The following SGPP2 variants were observed in gnomAD, a reference collection of about 807,000 sequenced individuals.
SGPP2 encodes sphingosine-1-phosphate phosphatase 2, also known as sphingosine 1-phosphate phosphohydrolase 2.
In SGPP2, 30 loss-of-function variants were observed where a neutral mutation model predicts 33.9. That is an observed-to-expected ratio of 0.89 (90% CI 0.66 to 1.20). SGPP2 has a LOEUF of 1.20. Ranked by LOEUF, SGPP2 falls within the 50% of genes most tolerant of loss-of-function variation. SGPP2 has a pLI of 0.00. For missense variants in SGPP2, 458 were observed against 532.1 expected, an observed-to-expected ratio of 0.86 and a Z score of 1.37; for synonymous variants, 233 against 225.0, an observed-to-expected ratio of 1.04 and a Z score of -0.32.
intron 2 of SGPP2, among the ~76,000 whole-genome samples, chr2:222,505,209 T>G (rs1698427081): frequency 6.6e-6 from 1 of 152,206 alleles, no homozygotes; most frequent in Admixed American, 6.5e-5. Flanking sequence ...GGACCTCGGC[T>G]TATTGCAAGA....
chr2:222,525,483 G>A (rs1033434918), intron 4 of SGPP2, among the ~76,000 whole-genome samples: 1 of 152,166 alleles, frequency 6.6e-6, no homozygotes, highest in Admixed American at 6.5e-5. Context: ...CCGGTATCAC[G>A]GCTTTGCTTC....
intron 1 of SGPP2, among the ~76,000 whole-genome samples, chr2:222,473,838 C>T (rs981373025): frequency 1.3e-5 from 2 of 150,158 alleles, no homozygotes; most frequent in African/African-American, 4.9e-5. Flanking sequence ...GCAGGAGAAT[C>T]ACTTGAACCC....
chr2:222,424,105 A>G (rs1403015627), upstream of SGPP2, among the ~76,000 whole-genome samples: 1 of 152,018 alleles, frequency 6.6e-6, no homozygotes, highest in Non-Finnish European at 1.5e-5. Context: ...GGCTGTGGGG[A>G]GCTGGCGTGG....
At chr2:222,541,669 G>A (rs1004112139) in intron 4 of SGPP2, among the ~76,000 whole-genome samples, 2 of 151,714 alleles carry the variant, frequency 1.3e-5, no homozygotes, top group African/African-American at 4.8e-5. Flanking sequence ...GCTGGAGTGC[G>A]GTGGCGCTAT....
rs1450558556 is a variant in SGPP2 at position 222,558,731 on chromosome 2, C to G, written c.1033C>G (p.Leu345Val). The change falls in exon 5 of 5, where the codon CTC becomes GTC. Residue 345 changes from leucine (L) to valine (V), a missense_variant. Coordinates refer to ENST00000321276, the MANE Select transcript of SGPP2 (RefSeq NM_152386.4). ...ILLVRQLVQN[L>V]SLQVLYSWFK... is the part of the protein sequence containing the mutation. ...CTTGGTTCGTCAGCTTGTACAAAAT[C>G]TCTCACTGCAAGTATTATACTCATG... is the stretch of plus-strand genomic sequence containing the variant. 1 of 1,614,168 alleles carries G rather than the reference C, an allele frequency of 6.2e-7. No individual in the cohort carries two copies. Among genetic ancestry groups the G allele is most frequent in the African/African-American group, 1.3e-5 (1 of 75,026 alleles).
intron 2 of SGPP2, among the ~76,000 whole-genome samples, chr2:222,497,974 A>T (rs2106115711): frequency 6.6e-6 from 1 of 152,228 alleles, no homozygotes; most frequent in East Asian, 1.9e-4. Context: ...GCAGGAGAAA[A>T]CTTATCCTGT....
intron 2 of SGPP2, among the ~76,000 whole-genome samples, chr2:222,494,754 A>G (rs1574860329): frequency 6.6e-6 from 1 of 152,236 alleles, no homozygotes; most frequent in East Asian, 1.9e-4. Flanking sequence ...TATGGGGCCA[A>G]TGAGAGCAGG....
At chr2:222,540,817 G>GTTATT (rs1698983574) in intron 4 of SGPP2, among the ~76,000 whole-genome samples, 3 of 108,428 alleles carry the variant, frequency 2.8e-5, no homozygotes, top group Non-Finnish European at 1.8e-5. Context: ...CTTATAAACT[G>GTTATT]TTTTTTTTTT....
intron 1 of SGPP2, among the ~76,000 whole-genome samples, chr2:222,443,392 T>G (rs539577854): frequency 6.6e-6 from 1 of 152,282 alleles, no homozygotes; most frequent in South Asian, 2.1e-4. Flanking sequence ...TCCCCGCTTT[T>G]GAAATCCCCA....
intron 1 of SGPP2, among the ~76,000 whole-genome samples, chr2:222,445,048 G>A (rs1182765326): frequency 6.6e-6 from 1 of 152,200 alleles, no homozygotes; most frequent in Non-Finnish European, 1.5e-5. Flanking sequence ...GGATCCTTTA[G>A]AGGTCCTTGA....
chr2:222,542,351 A>G (rs1699010866), intron 4 of SGPP2, among the ~76,000 whole-genome samples: 1 of 152,166 alleles, frequency 6.6e-6, no homozygotes, highest in East Asian at 1.9e-4. Flanking sequence ...TTTTGAGGCT[A>G]CTATAAATGA....
chr2:222,502,158 A>G (rs1444741772), intron 2 of SGPP2, among the ~76,000 whole-genome samples: 1 of 152,242 alleles, frequency 6.6e-6, no homozygotes, highest in Non-Finnish European at 1.5e-5. Context: ...AAATTTTCCC[A>G]GTTAAACTTT....
At chr2:222,514,684 G>A (rs909450866) in intron 2 of SGPP2, among the ~76,000 whole-genome samples, 1 of 152,208 alleles carries the variant, frequency 6.6e-6, no homozygotes, top group African/African-American at 2.4e-5. Context: ...CTACATGAAT[G>A]TCTGGCAGAA....
chr2:222,508,572 A>C (rs1206610253), intron 2 of SGPP2, among the ~76,000 whole-genome samples: 3 of 152,216 alleles, frequency 2.0e-5, no homozygotes, highest in Non-Finnish European at 4.4e-5. Context: ...AGGGAGGCTC[A>C]AGAGGTGGAA....
intron 4 of SGPP2, among the ~76,000 whole-genome samples, chr2:222,527,558 A>G (rs897614661): frequency 1.3e-5 from 2 of 152,228 alleles, no homozygotes; most frequent in Admixed American, 1.3e-4. Flanking sequence ...CATTCCCTAG[A>G]GATTGTGAGG....
chr2:222,437,421 C>T (rs770099727), intron 1 of SGPP2, among the ~76,000 whole-genome samples: 11 of 152,176 alleles, frequency 7.2e-5, no homozygotes, highest in Non-Finnish European at 1.5e-4. Context: ...TGTCCACTTT[C>T]GGGTGGTGCC....
intron 3 of SGPP2, 56 bp downstream of exon 3, chr2:222,522,002 G>T: frequency 1.4e-6 from 2 of 1,435,596 alleles, no homozygotes; most frequent in Non-Finnish European, 9.2e-7. Flanking sequence ...AATAGAGGCT[G>T]CACTTCTGAA....
intron 2 of SGPP2, among the ~76,000 whole-genome samples, chr2:222,500,234 G>A (rs190306429): frequency 4.6e-5 from 7 of 152,198 alleles, no homozygotes; most frequent in Admixed American, 3.9e-4. Flanking sequence ...TGGTAGTGAT[G>A]GTGCACCACT....
chr2:222,513,611 A>T (rs993774711), intron 2 of SGPP2, among the ~76,000 whole-genome samples: 4 of 152,194 alleles, frequency 2.6e-5, no homozygotes, highest in African/African-American at 9.7e-5. Flanking sequence ...GGATGTTGAG[A>T]TGGTAAGATC....
Sources: gnomAD v4.1 joint callset for allele counts (sites outside exome capture counted in the v4.1 genomes callset) on GRCh38, gnomAD v4.1.1 for gene constraint, MANE v1.5 for transcripts, NCBI Gene and HGNC (gene_info 2026-07-23, HGNC 2026-07-21) for gene names.